The following GRID2 variants were observed in gnomAD, a reference collection of about 807,000 sequenced individuals.
GRID2 encodes glutamate receptor ionotropic, delta-2.
Under a neutral mutation model 114.8 loss-of-function variants are expected in GRID2, and 33 were observed. The observed-to-expected ratio is 0.29, with a 90% CI of 0.22 to 0.38. The LOEUF (loss-of-function observed/expected upper bound fraction) is 0.38, where lower values mean the gene tolerates loss of function less well. Ranked by LOEUF, GRID2 falls within the 10% of genes least tolerant of loss-of-function variation. The pLI, the probability that GRID2 is intolerant of heterozygous loss-of-function variation, is 1.00. For missense variants in GRID2, 1,184 were observed against 1,257.7 expected, an observed-to-expected ratio of 0.94 and a Z score of 0.89; for synonymous variants, 505 against 449.9, an observed-to-expected ratio of 1.12 and a Z score of -1.55.
At chr4:93,372,586 T>A (rs1763034447) in intron 8 of GRID2, among the ~76,000 whole-genome samples, 1 of 152,142 alleles carries the variant, frequency 6.6e-6, no homozygotes, top group Non-Finnish European at 1.5e-5. Flanking sequence ...GAGGACTCAT[T>A]TAATTGACTC....
chr4:92,903,784 T>C (rs1051581278), intron 2 of GRID2, among the ~76,000 whole-genome samples: 1 of 151,954 alleles, frequency 6.6e-6, no homozygotes, highest in Non-Finnish European at 1.5e-5. Flanking sequence ...AACAAGTAGT[T>C]GCCAGGCAAG....
At chr4:92,647,116 A>T (rs1006798016) in intron 2 of GRID2, among the ~76,000 whole-genome samples, 1 of 152,308 alleles carries the variant, frequency 6.6e-6, no homozygotes, top group Non-Finnish European at 1.5e-5. Flanking sequence ...ATTCAGAAAC[A>T]TTTAATAATG....
intron 1 of GRID2, among the ~76,000 whole-genome samples, chr4:92,348,373 A>G (rs1439876443): frequency 6.6e-6 from 1 of 152,196 alleles, no homozygotes; most frequent in African/African-American, 2.4e-5. Context: ...AGATTTTCAA[A>G]TTATTTCCTT....
chr4:93,021,624 A>G (rs1161215265), intron 2 of GRID2, among the ~76,000 whole-genome samples: 1 of 144,334 alleles, frequency 6.9e-6, no homozygotes, highest in Non-Finnish European at 1.5e-5. Context: ...TATATTGTAT[A>G]TATTATCACT....
intron 13 of GRID2, among the ~76,000 whole-genome samples, chr4:93,533,822 C>T (rs746753221): frequency 1.3e-5 from 2 of 152,086 alleles, no homozygotes; most frequent in Admixed American, 6.6e-5. Context: ...TTTTACTCTA[C>T]TTTGCCATAG....
chr4:93,500,215 A>G (rs1727962576), intron 12 of GRID2, among the ~76,000 whole-genome samples: 1 of 152,012 alleles, frequency 6.6e-6, no homozygotes, highest in South Asian at 2.1e-4. Context: ...GGATTCCATA[A>G]TTATTATAAA....
intron 14 of GRID2, 128 bp downstream of exon 14, chr4:93,626,563 CA>C: frequency 1.7e-6 from 1 of 582,460 alleles, no homozygotes; most frequent in Admixed American, 3.2e-5. Flanking sequence ...ACAACAACAA[CA>C]AAAAAGATAG....
chr4:93,511,658 G>A (rs1311824674), intron 12 of GRID2, among the ~76,000 whole-genome samples: 2 of 152,080 alleles, frequency 1.3e-5, no homozygotes, highest in Admixed American at 1.3e-4. Flanking sequence ...AGCATTCACT[G>A]AGTTTTATGT....
At chr4:92,833,430 T>C (rs557851424) in intron 2 of GRID2, among the ~76,000 whole-genome samples, 4 of 152,332 alleles carry the variant, frequency 2.6e-5, no homozygotes, top group African/African-American at 9.6e-5. Context: ...GTGGCAATAA[T>C]GTTAATAAAC....
intron 2 of GRID2, among the ~76,000 whole-genome samples, chr4:93,080,636 A>G (rs977209056): frequency 1.3e-5 from 2 of 152,166 alleles, no homozygotes; most frequent in African/African-American, 2.4e-5. Context: ...TGGAAAGACT[A>G]TGGTGGACAA....
chr4:93,519,614 A>G (rs967950972), intron 13 of GRID2, among the ~76,000 whole-genome samples: 2 of 152,172 alleles, frequency 1.3e-5, no homozygotes, highest in Admixed American at 6.6e-5. Flanking sequence ...CCATTAATCT[A>G]TTATAACTCT....
chr4:93,529,953 T>C (rs1180880159), intron 13 of GRID2, among the ~76,000 whole-genome samples: 1 of 152,200 alleles, frequency 6.6e-6, no homozygotes, highest in Non-Finnish European at 1.5e-5. Flanking sequence ...CTTATCTTTC[T>C]GTGTTCTTTA....
chr4:92,389,672 G>C (rs1354559042), intron 1 of GRID2, among the ~76,000 whole-genome samples: 1 of 152,026 alleles, frequency 6.6e-6, no homozygotes, highest in Non-Finnish European at 1.5e-5. Flanking sequence ...CATTTACAAA[G>C]GTCTCTTTTA....
intron 13 of GRID2, among the ~76,000 whole-genome samples, chr4:93,607,285 T>A (rs1578380850): frequency 6.6e-6 from 1 of 152,150 alleles, no homozygotes; most frequent in Admixed American, 6.5e-5. Context: ...TCATTGTTGG[T>A]TTAAAAAATA....
At chr4:93,511,960 T>A (rs1729235612) in intron 12 of GRID2, among the ~76,000 whole-genome samples, 1 of 151,730 alleles carries the variant, frequency 6.6e-6, no homozygotes, top group Non-Finnish European at 1.5e-5. Flanking sequence ...TTTTTTTTTG[T>A]CTTTTTAATA....
chr4:93,374,011 T>C (rs1451512436), intron 8 of GRID2, among the ~76,000 whole-genome samples: 6 of 152,180 alleles, frequency 3.9e-5, no homozygotes, highest in Non-Finnish European at 5.9e-5. Flanking sequence ...ACATTGTAGT[T>C]TCCATGCCAA....
At chr4:93,385,331 G>C (rs577010558) in intron 8 of GRID2, among the ~76,000 whole-genome samples, 1 of 152,314 alleles carries the variant, frequency 6.6e-6, no homozygotes, top group Admixed American at 6.5e-5. Context: ...GACTCTTGGT[G>C]TGAACCCAAT....
At chr4:92,516,535 T>G (rs1724509259) in intron 1 of GRID2, among the ~76,000 whole-genome samples, 1 of 151,902 alleles carries the variant, frequency 6.6e-6, no homozygotes, top group South Asian at 2.1e-4. Flanking sequence ...AAGAAAGCCC[T>G]GTGTGGTTTG....
Position 93,626,368 on chromosome 4 carries a change from G to A in GRID2, c.2293G>A (p.Val765Ile). 1 of 1,609,650 alleles carries A rather than the reference G, an allele frequency of 6.2e-7. No individual in the cohort carries two copies. The highest frequency in any genetic ancestry group is 8.5e-7 in the Non-Finnish European group (1 of 1,176,204). ...DCSFYTIGNT[V>I]ADRGYGIALQ... ...TTCCTTTTACACCATTGGAAATACTGTTGCTGATCGGGGATATGGAATTGC... is the reference window on the plus strand; with the variant it reads ...TTCCTTTTACACCATTGGAAATACTATTGCTGATCGGGGATATGGAATTGC... The change falls in exon 14 of 16, where the codon GTT (valine) becomes ATT (isoleucine). Residue 765 changes from valine (V) to isoleucine (I), a missense_variant. Val to Ile is a conservative substitution (Grantham distance 29, BLOSUM62 3). Transcript: ENST00000282020.
Sources: allele counts gnomAD v4.1 joint callset (sites outside exome capture counted in the v4.1 genomes callset), GRCh38; gene constraint gnomAD v4.1.1; transcripts MANE v1.5; gene names NCBI Gene and HGNC (gene_info 2026-07-23, HGNC 2026-07-21).